Variants in STXBP6 observed in about 807,000 individuals in gnomAD.
The protein encoded by STXBP6 is syntaxin binding protein 6, also known as syntaxin-binding protein 6.
A neutral mutation model predicts 26.9 loss-of-function variants in STXBP6; 21 were observed. That is an observed-to-expected ratio of 0.78 (90% CI 0.55 to 1.12). The LOEUF (loss-of-function observed/expected upper bound fraction) is 1.12. Among genes scored for constraint, STXBP6 ranks in the 50% most tolerant of loss-of-function variants. STXBP6 has a pLI of 0.00. For missense variants in STXBP6, 232 were observed against 257.9 expected (o/e 0.90, Z 0.69); for synonymous variants, 97 against 92.6 (o/e 1.05, Z -0.27).
chr14:25,036,728 C>T (rs191923423), intron 1 of STXBP6, among the ~76,000 whole-genome samples: 1 of 151,530 alleles, frequency 6.6e-6, no homozygotes, highest in Non-Finnish European at 1.5e-5. Context: ...TGGTGGCAGG[C>T]GCCTGTAGTC....
chr14:25,008,780 T>C (rs2074962902), intron 1 of STXBP6, among the ~76,000 whole-genome samples: 1 of 152,218 alleles, frequency 6.6e-6, no homozygotes, highest in African/African-American at 2.4e-5. Flanking sequence ...AAAGGTTTTA[T>C]ACCTATAGAA....
intron 4 of STXBP6, among the ~76,000 whole-genome samples, chr14:24,833,968 C>A (rs992254054): frequency 6.6e-6 from 1 of 152,082 alleles, no homozygotes; most frequent in African/African-American, 2.4e-5. Flanking sequence ...TGTTTAAATA[C>A]CACTTTGAAA....
chr14:24,870,312 T>A (rs998815068), intron 2 of STXBP6, among the ~76,000 whole-genome samples: 1 of 152,168 alleles, frequency 6.6e-6, no homozygotes, highest in African/African-American at 2.4e-5. Flanking sequence ...ATAACTTCTA[T>A]TGGCCCCTTC....
At chr14:24,937,617 C>CATAT (rs111815475) in intron 2 of STXBP6, among the ~76,000 whole-genome samples, 6,511 of 151,894 alleles carry the variant, frequency 0.043, 195 homozygotes, top group East Asian at 0.11. Context: ...ATGTAAAACA[C>CATAT]ATATATATAT....
intron 1 of STXBP6, among the ~76,000 whole-genome samples, chr14:24,986,575 T>A (rs2074338195): frequency 6.6e-6 from 1 of 152,134 alleles, no homozygotes. Context: ...CAGGCCCTGG[T>A]AAACAACAGG....
At chr14:24,873,721 T>C (rs1161124367) in intron 2 of STXBP6, among the ~76,000 whole-genome samples, 3 of 152,274 alleles carry the variant, frequency 2.0e-5, no homozygotes, top group African/African-American at 7.2e-5. Context: ...TTCTCCCTTT[T>C]CCTGAGGACT....
intron 5 of STXBP6, among the ~76,000 whole-genome samples, chr14:24,813,707 G>T (rs1201141085): frequency 1.3e-5 from 2 of 152,148 alleles, no homozygotes; most frequent in Non-Finnish European, 2.9e-5. Flanking sequence ...CAGGCTCTCT[G>T]CCTTTTAAGA....
chr14:25,031,012 C>T (rs1043856463), intron 1 of STXBP6, among the ~76,000 whole-genome samples: 2 of 151,980 alleles, frequency 1.3e-5, no homozygotes, highest in Non-Finnish European at 2.9e-5. Context: ...CAATCTATTG[C>T]TAGTGGAAAT....
chr14:24,856,316 A>T (rs1379615436), intron 3 of STXBP6, among the ~76,000 whole-genome samples: 2 of 152,124 alleles, frequency 1.3e-5, no homozygotes, highest in Admixed American at 6.6e-5. Context: ...GGAAACTAGT[A>T]TCACACAAAT....
intron 2 of STXBP6, among the ~76,000 whole-genome samples, chr14:24,915,735 GT>G (rs1265699866): frequency 6.6e-6 from 1 of 152,022 alleles, no homozygotes; most frequent in Non-Finnish European, 1.5e-5. Context: ...TCTTTATCAG[GT>G]GAAGGTGAAA....
At position 24,905,981 on chromosome 14, in the gene STXBP6, T is replaced by C. The variant is rs530217366; in HGVS notation, c.155-48824A>G. On this transcript the variant is annotated intron_variant, in intron 2 of 5. Transcript: ENST00000323944. ...TATAGAAACCTGAGGGTACAAACTT[T>C]GAGTAGAAAAAAAGACATGCAGGAA... Among the ~76,000 whole-genome samples, 105 of 152,220 alleles carry C rather than the reference T, an allele frequency of 6.9e-4. 1 individual carries two copies. Among genetic ancestry groups the C allele is most frequent in the African/African-American group, 2.5e-3 (102 of 41,550 alleles).
intron 2 of STXBP6, among the ~76,000 whole-genome samples, chr14:24,949,060 T>C (rs1471883531): frequency 1.3e-5 from 2 of 151,964 alleles, no homozygotes; most frequent in Non-Finnish European, 2.9e-5. Flanking sequence ...AGGAAAGAAC[T>C]AAAAGGAAAA....
chr14:24,983,544 T>C (rs576445466), intron 1 of STXBP6, among the ~76,000 whole-genome samples: 53 of 152,328 alleles, frequency 3.5e-4, no homozygotes, highest in African/African-American at 1.2e-3. Flanking sequence ...ACTAAACCCA[T>C]ATATGAAAGG....
At chr14:24,952,052 A>G (rs971798292) in intron 2 of STXBP6, among the ~76,000 whole-genome samples, 5 of 151,174 alleles carry the variant, frequency 3.3e-5, no homozygotes, top group African/African-American at 7.3e-5. Flanking sequence ...ATATAAAAAT[A>G]TTAAAGAATG....
intron 4 of STXBP6, among the ~76,000 whole-genome samples, chr14:24,822,888 CACG>C (rs1432674644): frequency 6.6e-6 from 1 of 152,154 alleles, no homozygotes; most frequent in African/African-American, 2.4e-5. Context: ...TTTATTAAAT[CACG>C]ACATGTTTTG....
At chr14:24,958,364 T>TCCC (rs2073410688) in intron 2 of STXBP6, among the ~76,000 whole-genome samples, 2 of 151,996 alleles carry the variant, frequency 1.3e-5, no homozygotes, top group South Asian at 4.1e-4. Context: ...TGCAAAACTC[T>TCCC]CCCCCTGCTT....
In STXBP6 at chr14:25,035,428, C is replaced by T. The variant is rs923444953; in HGVS notation, c.-33+14450G>A. On this transcript the variant is annotated intron_variant, in intron 1 of 5. Coordinates refer to ENST00000323944, the MANE Select transcript of STXBP6 (RefSeq NM_001394410.1). The stretch of plus-strand genomic sequence containing the variant: ...TTCAAAGTACAAAGCACCATTTATA[C>T]GTTTCTTTCTTTTGGCAGGAAGTCA... Among the ~76,000 whole-genome samples, 6 of 152,196 alleles carry T rather than the reference C, an allele frequency of 3.9e-5. No individual in the cohort carries two copies. The East Asian group carries it at 1.2e-3, about 29-fold the overall frequency.
intron 4 of STXBP6, among the ~76,000 whole-genome samples, chr14:24,829,638 A>G (rs1328780116): frequency 6.6e-6 from 1 of 151,858 alleles, no homozygotes; most frequent in East Asian, 1.9e-4. Flanking sequence ...ATCAGATGTC[A>G]TTCCACCTTT....
chr14:24,835,077 G>C (rs2068572642), intron 4 of STXBP6, among the ~76,000 whole-genome samples: 1 of 152,176 alleles, frequency 6.6e-6, no homozygotes, highest in African/African-American at 2.4e-5. Flanking sequence ...GCTCTAAGCA[G>C]AGGCAATAAG....
Sources: gnomAD v4.1 joint callset for allele counts (sites outside exome capture counted in the v4.1 genomes callset) on GRCh38, gnomAD v4.1.1 for gene constraint, MANE v1.5 for transcripts, NCBI Gene and HGNC (gene_info 2026-07-23, HGNC 2026-07-21) for gene names.